IQSEC1: variants seen among roughly 807,000 people sequenced by gnomAD.
IQSEC1 encodes IQ motif and SEC7 domain-containing protein 1.
Under a neutral mutation model 91.0 loss-of-function variants are expected in IQSEC1, and 31 were observed. That is an observed-to-expected ratio of 0.34 (90% CI 0.26 to 0.46). The LOEUF (loss-of-function observed/expected upper bound fraction) is 0.46, where lower values mean the gene tolerates loss of function less well. Among genes scored for constraint, IQSEC1 ranks in the 20% least tolerant of loss-of-function variants. IQSEC1 has a pLI of 1.00. For synonymous variants in IQSEC1, 699 were observed against 662.6 expected (o/e 1.05, Z -0.84); for missense variants, 1,388 against 1,575.6 (o/e 0.88, Z 2.02).
chr3:12,910,149 T>C (rs947178532), intron 10 of IQSEC1, among the ~76,000 whole-genome samples: 8 of 152,244 alleles, frequency 5.3e-5, no homozygotes, highest in African/African-American at 1.7e-4. Context: ...CCAAAATATC[T>C]ACATTTTGAT....
In IQSEC1 at chr3:12,941,646, A is replaced by G. The variant is rs1434259678; in HGVS notation, c.243T>C (p.Ala81=). 1 of 1,612,692 alleles carries G rather than the reference A, an allele frequency of 6.2e-7. No individual in the cohort carries two copies. The highest frequency in any genetic ancestry group is 1.7e-5 in the Admixed American group (1 of 59,968). ...GTGAGCGCTTGATGGCCTCCTCCTC[A>G]GCCTGCTTGCGCAGGATGGAGGTCG... is the stretch of plus-strand genomic sequence containing the variant. The part of the protein sequence containing the change: ...QHSTSILRKQ[A]EEEAIKRSRS... Residue 81 remains alanine (A), a synonymous_variant, in exon 2 of 14, where the codon GCT becomes GCC. Coordinates refer to ENST00000613206, the MANE Select transcript of IQSEC1 (RefSeq NM_001134382.3).
chr3:13,081,162 A>C (rs912888442), intron 2 of IQSEC1, among the ~76,000 whole-genome samples: 1 of 152,262 alleles, frequency 6.6e-6, no homozygotes, highest in Non-Finnish European at 1.5e-5. Context: ...TCCATAACAC[A>C]CAACTAGAAA....
chr3:13,094,105 G>A (rs1192540648), intron 2 of IQSEC1, among the ~76,000 whole-genome samples: 3 of 152,232 alleles, frequency 2.0e-5, no homozygotes, highest in African/African-American at 7.2e-5. Flanking sequence ...AGGGCTGAGG[G>A]ATGAAGAGAG....
intron 1 of IQSEC1, among the ~76,000 whole-genome samples, chr3:13,025,900 A>G (rs1703594469): frequency 6.6e-6 from 1 of 152,112 alleles, no homozygotes; most frequent in Non-Finnish European, 1.5e-5. Flanking sequence ...GACACCCCCA[A>G]GTGGCCCCCA....
At chr3:13,006,736 G>A (rs1386986935) in intron 1 of IQSEC1, among the ~76,000 whole-genome samples, 4 of 152,254 alleles carry the variant, frequency 2.6e-5, no homozygotes, top group Admixed American at 2.6e-4. Flanking sequence ...CCAGGAGGCA[G>A]CAGCACACCC....
chr3:12,938,745 G>A lies in IQSEC1; in HGVS notation c.319-2048C>T, dbSNP rs115988136. Among the ~76,000 whole-genome samples, 1,037 of 152,234 alleles carry A rather than the reference G, an allele frequency of 6.8e-3. 4 individuals are homozygous for A. The highest frequency in any genetic ancestry group is 0.012 in the Non-Finnish European group (804 of 68,018). Reference sequence around the variant, plus strand: ...CTCCAGCTCAGGCCTAGAGCTCCCCGCAGGGCCTTCTCACCTGCTGGCTCC... The same window carrying A: ...CTCCAGCTCAGGCCTAGAGCTCCCCACAGGGCCTTCTCACCTGCTGGCTCC... On this transcript the variant is annotated intron_variant, in intron 2 of 13. Transcript: ENST00000613206.
chr3:12,914,240 C>T (rs139322178), intron 8 of IQSEC1, among the ~76,000 whole-genome samples: 20 of 152,372 alleles, frequency 1.3e-4, no homozygotes, highest in Non-Finnish European at 1.9e-4. Context: ...GCTCCCAACA[C>T]GGTCATAGCT....
chr3:12,912,105 C>T (rs751377955), intron 9 of IQSEC1, among the ~76,000 whole-genome samples: 2 of 152,206 alleles, frequency 1.3e-5, no homozygotes, highest in Non-Finnish European at 2.9e-5. Flanking sequence ...GGCTTCCTTT[C>T]TCGGGAACAA....
At chr3:13,094,812 TCTGGGCCTCCA>T (rs983242949) in intron 2 of IQSEC1, among the ~76,000 whole-genome samples, 2 of 152,194 alleles carry the variant, frequency 1.3e-5, no homozygotes, top group Non-Finnish European at 2.9e-5. Context: ...ACCTGACCCT[TCTGGGCCTCCA>T]CTGGGAATTC....
At chr3:13,071,643 G>A (rs879540457) in intron 1 of IQSEC1, among the ~76,000 whole-genome samples, 5 of 152,190 alleles carry the variant, frequency 3.3e-5, no homozygotes, top group Admixed American at 6.5e-5. Flanking sequence ...TGCTCGCATC[G>A]ACAAACCAAC....
intron 1 of IQSEC1, among the ~76,000 whole-genome samples, chr3:13,047,084 A>G (rs1348455077): frequency 1.4e-5 from 2 of 145,638 alleles, no homozygotes; most frequent in African/African-American, 2.5e-5. Context: ...AGAAACCAAC[A>G]GGCTTCTCCC....
chr3:12,966,760 G>A (rs1289648923), intron 1 of IQSEC1, among the ~76,000 whole-genome samples: 1 of 152,172 alleles, frequency 6.6e-6, no homozygotes, highest in Non-Finnish European at 1.5e-5. Flanking sequence ...GGCCCTGCCA[G>A]GGGCAGAGTA....
At chr3:13,100,029 G>T (rs1270787454) in intron 2 of IQSEC1, among the ~76,000 whole-genome samples, 1 of 124,542 alleles carries the variant, frequency 8.0e-6, no homozygotes, top group East Asian at 1.9e-4. Flanking sequence ...CTTCACTCTG[G>T]CGCAGGAGCC....
chr3:13,102,147 G>C (rs1181473156), intron 2 of IQSEC1, among the ~76,000 whole-genome samples: 3 of 152,062 alleles, frequency 2.0e-5, no homozygotes, highest in Non-Finnish European at 4.4e-5. Context: ...GCATGGTGAT[G>C]TGCATCTGTA....
chr3:12,924,067 C>T lies in IQSEC1; in HGVS notation c.1730+514G>A, dbSNP rs1056776869. Among the ~76,000 whole-genome samples, 8 of 152,330 alleles carry T rather than the reference C, an allele frequency of 5.3e-5. No homozygotes were observed. Among genetic ancestry groups the T allele is most frequent in the East Asian group, 1.9e-4 (1 of 5,184 alleles). On this transcript the variant is annotated intron_variant, in intron 4 of 13. Coordinates refer to ENST00000613206, the MANE Select transcript of IQSEC1 (RefSeq NM_001134382.3). The surrounding 1 kb of genome is among the most constrained non-coding windows in gnomAD (Gnocchi z 6.3). ...GGCAGGGGCAGAGCGTGGCACGGGC[C>T]GCCCACGGGGAGGCAGGTCACTTGA...
chr3:13,041,605 G>C (rs1704272756), intron 1 of IQSEC1, among the ~76,000 whole-genome samples: 1 of 152,184 alleles, frequency 6.6e-6, no homozygotes, highest in Admixed American at 6.5e-5. Context: ...TGCTGGCCCG[G>C]ATGTGGTTCT....
intron 2 of IQSEC1, among the ~76,000 whole-genome samples, chr3:13,083,689 G>A (rs1705686872): frequency 6.6e-6 from 1 of 152,262 alleles, no homozygotes; most frequent in African/African-American, 2.4e-5. Flanking sequence ...GAACAGGCAT[G>A]AAATGGTGTC....
chr3:13,236,901 C>T (rs369378488), intron 1 of IQSEC1, among the ~76,000 whole-genome samples: 108 of 152,196 alleles, frequency 7.1e-4, no homozygotes, highest in Admixed American at 3.3e-3. Flanking sequence ...AACAAAATGC[C>T]CCCCTCCAGC....
chr3:13,062,547 C>T (rs938278941), intron 1 of IQSEC1, among the ~76,000 whole-genome samples: 4 of 152,086 alleles, frequency 2.6e-5, no homozygotes, highest in African/African-American at 9.7e-5. Context: ...CTTGATTACC[C>T]CCAGATCTTG....
Sources: gnomAD v4.1 joint callset for allele counts (sites outside exome capture counted in the v4.1 genomes callset) on GRCh38, gnomAD v4.1.1 for gene constraint, Gnocchi (gnomAD v3.1) non-coding constraint, MANE v1.5 for transcripts, NCBI Gene and HGNC (gene_info 2026-07-23, HGNC 2026-07-21) for gene names.